The following UBE2W variants were observed in gnomAD, a reference collection of about 807,000 sequenced individuals.
UBE2W encodes ubiquitin conjugating enzyme E2 W.
Under a neutral mutation model 27.2 loss-of-function variants are expected in UBE2W, and 18 were observed. The observed-to-expected ratio is 0.66, with a 90% CI of 0.46 to 0.98. The LOEUF is 0.98. UBE2W is among the 50% of genes least tolerant of loss of function. UBE2W has a pLI of 0.00. For missense variants in UBE2W, 90 were observed against 180.2 expected (o/e 0.50, Z 2.87); for synonymous variants, 53 against 57.2 (o/e 0.93, Z 0.33).
At chr8:73,852,631 T>G (rs1307324909) in intron 1 of UBE2W, among the ~76,000 whole-genome samples, 6 of 152,222 alleles carry the variant, frequency 3.9e-5, no homozygotes, top group Admixed American at 3.9e-4. Flanking sequence ...TTTTTTACCT[T>G]CCAGGTTTCA....
At chr8:73,854,124 G>A (rs1811189971) in intron 1 of UBE2W, among the ~76,000 whole-genome samples, 1 of 152,044 alleles carries the variant, frequency 6.6e-6, no homozygotes, top group Non-Finnish European at 1.5e-5. Flanking sequence ...ACTCCAGCAT[G>A]GGTGACAGCA....
chr8:73,877,325 T>C (rs1812275315), intron 1 of UBE2W, among the ~76,000 whole-genome samples: 1 of 152,226 alleles, frequency 6.6e-6, no homozygotes, highest in Non-Finnish European at 1.5e-5. Context: ...GTGTAAAGTA[T>C]AATGTTTCCT....
chr8:73,843,710 T>C (rs1353589757), intron 1 of UBE2W, among the ~76,000 whole-genome samples: 4 of 146,210 alleles, frequency 2.7e-5, no homozygotes, highest in Non-Finnish European at 1.5e-5. Flanking sequence ...CTTAGGAAGA[T>C]GGCCTGAAGA....
At position 73,787,213 on chromosome 8, in the gene UBE2W, G is replaced by C; in HGVS notation, c.*6889C>G. ...CCCAACAGGACAGATAACCACAGTGGCTTTGAGCTTTGTTGTCCAAGTACA... is the reference window on the plus strand; with the variant it reads ...CCCAACAGGACAGATAACCACAGTGCCTTTGAGCTTTGTTGTCCAAGTACA... On this transcript the variant is annotated 3_prime_UTR_variant, in exon 6 of 6. Coordinates refer to ENST00000602593, the MANE Select transcript of UBE2W (RefSeq NM_018299.6). 6 of 985,448 alleles carry C rather than the reference G, an allele frequency of 6.1e-6. No individual in the cohort carries two copies. The highest frequency in any genetic ancestry group is 7.2e-6 in the Non-Finnish European group (6 of 829,940). The allele number at this position is 985,448 out of a possible 1,614,324, so 61.0% of individuals were successfully genotyped here. A position where few individuals can be genotyped will look rare whatever the true frequency, so the allele number is the denominator to read the frequency against.
downstream of UBE2W, among the ~76,000 whole-genome samples, chr8:73,785,562 GTAC>G (rs1807925017): frequency 2.0e-5 from 3 of 152,040 alleles, no homozygotes; most frequent in Non-Finnish European, 4.4e-5. Flanking sequence ...AGCGAACACA[GTAC>G]CTAATATGTA....
At chr8:73,797,270 A>G (rs1263949883) in intron 5 of UBE2W, among the ~76,000 whole-genome samples, 1 of 152,212 alleles carries the variant, frequency 6.6e-6, no homozygotes, top group African/African-American at 2.4e-5. Flanking sequence ...ATCTCCTTGG[A>G]TATCCCCAGG....
intron 1 of UBE2W, among the ~76,000 whole-genome samples, chr8:73,849,767 G>GT (rs1281312213): frequency 2.6e-5 from 4 of 151,970 alleles, no homozygotes; most frequent in East Asian, 1.9e-4. Flanking sequence ...AGTTATTTGA[G>GT]TTTTTTTAAA....
intron 1 of UBE2W, among the ~76,000 whole-genome samples, chr8:73,867,483 C>T (rs1014119817): frequency 1.3e-5 from 2 of 151,972 alleles, no homozygotes; most frequent in Non-Finnish European, 2.9e-5. Context: ...TGCAGTGAGC[C>T]GAGATCACGC....
intron 4 of UBE2W, among the ~76,000 whole-genome samples, chr8:73,806,369 T>TGACA (rs1251694536): frequency 1.3e-5 from 2 of 151,230 alleles, no homozygotes; most frequent in East Asian, 3.9e-4. Flanking sequence ...CCAGCTTGGG[T>TGACA]GACAGAGTGA....
chr8:73,799,890 C>CCATA (rs1335706268), intron 5 of UBE2W, among the ~76,000 whole-genome samples: 1 of 152,086 alleles, frequency 6.6e-6, no homozygotes, highest in African/African-American at 2.4e-5. Context: ...CATCAAGAGT[C>CCATA]CATATGTCTT....
chr8:73,810,712 G>T, intron 3 of UBE2W, 83 bp from the exon 4 acceptor site: 1 of 1,176,450 alleles, frequency 8.5e-7, no homozygotes. Flanking sequence ...AACAAATATT[G>T]ATTATAAAAA....
rs1475765458 is a variant in UBE2W, at chr8:73,864,750, T to TTGG, written c.15+14057_15+14058insCCA. ...TGCCACCATGTCCAGCAAATTTTTT[T>TTGG]GGGGGGGGGGGGCGGGGGGGGCTGA... On this transcript the variant is annotated intron_variant, in intron 1 of 5. Transcript: ENST00000602593. Among the ~76,000 whole-genome samples, 23 of 88,540 alleles carry TTGG rather than the reference T, an allele frequency of 2.6e-4. 1 individual carries two copies. Among genetic ancestry groups the TTGG allele is most frequent in the Admixed American group, 5.4e-4 (4 of 7,402 alleles). The allele number at this position is 88,540 out of a possible 152,430, so 58.1% of individuals were successfully genotyped here.
chr8:73,876,665 C>T (rs1812235971), intron 1 of UBE2W, among the ~76,000 whole-genome samples: 1 of 152,134 alleles, frequency 6.6e-6, no homozygotes, highest in Non-Finnish European at 1.5e-5. Flanking sequence ...GTATTTGTTT[C>T]CAATTCTTAA....
chr8:73,800,574 G>A (rs1311924548), intron 5 of UBE2W, among the ~76,000 whole-genome samples: 2 of 152,184 alleles, frequency 1.3e-5, no homozygotes, highest in Non-Finnish European at 2.9e-5. Flanking sequence ...AGAGGTGAAA[G>A]AGGAAAGGAT....
chr8:73,817,008 T>C (rs953717875), intron 3 of UBE2W, among the ~76,000 whole-genome samples: 1 of 151,840 alleles, frequency 6.6e-6, no homozygotes, highest in Non-Finnish European at 1.5e-5. Flanking sequence ...CACTCCAGCC[T>C]GGGCAACAGA....
intron 1 of UBE2W, among the ~76,000 whole-genome samples, chr8:73,865,581 C>A (rs1368628005): frequency 6.6e-6 from 1 of 152,158 alleles, no homozygotes; most frequent in Non-Finnish European, 1.5e-5. Context: ...TACTGCATAC[C>A]CTAGCCTGGG....
Position 73,792,308 on chromosome 8 carries a change from T to C in UBE2W, c.*1794A>G, listed in dbSNP as rs1808237927. ...AAGTGGTAATTGTTAACTAGCAGTA[T>C]ATAAACAGTGTCCACAATTTGGTGG... is the stretch of plus-strand genomic sequence containing the variant. On this transcript the variant is annotated 3_prime_UTR_variant, in exon 6 of 6. Transcript: ENST00000602593. 3.0e-6 allele frequency: 3 copies of C among 985,260 alleles called. 1 individual carries two copies. Among genetic ancestry groups the C allele is most frequent in the South Asian group, 9.5e-5 (2 of 21,052 alleles). The allele number at this position is 985,260 out of a possible 1,614,324, so 61.0% of individuals were successfully genotyped here. A position where few individuals can be genotyped will look rare whatever the true frequency, so the allele number is the denominator to read the frequency against.
At chr8:73,800,440 T>C (rs188215066) in intron 5 of UBE2W, among the ~76,000 whole-genome samples, 1 of 152,134 alleles carries the variant, frequency 6.6e-6, no homozygotes, top group East Asian at 1.9e-4. Flanking sequence ...AACAAAATTA[T>C]CTGTAAATGA....
rs149777875 is a variant in UBE2W at position 73,820,752 on chromosome 8, AAAACAAAC to A, written c.210+4387_210+4394del. Among the ~76,000 whole-genome samples, 872 of 148,938 alleles carry A rather than the reference AAAACAAAC, an allele frequency of 5.9e-3. 11 individuals are homozygous for A. Among genetic ancestry groups the A allele is most frequent in the African/African-American group, 0.017 (690 of 39,792 alleles). On this transcript the variant is annotated intron_variant, in intron 3 of 5. Transcript: ENST00000602593. ...GCGAGACTCTGTCTCAAAAAAATAAAAAACAAACAAACAAACAAACAAACAAACAAAAA... is the reference window on the plus strand; with the variant it reads ...GCGAGACTCTGTCTCAAAAAAATAAAAAACAAACAAACAAACAAACAAAAA...
Sources: allele counts gnomAD v4.1 joint callset (sites outside exome capture counted in the v4.1 genomes callset), GRCh38; gene constraint gnomAD v4.1.1; transcripts MANE v1.5; gene names NCBI Gene and HGNC (gene_info 2026-07-23, HGNC 2026-07-21).